Variants in PCLO observed in about 807,000 individuals in gnomAD.
The protein encoded by PCLO is protein piccolo.
A neutral mutation model predicts 427.5 loss-of-function variants in PCLO; 82 were observed. That is an observed-to-expected ratio of 0.19 (90% CI 0.16 to 0.23). PCLO has a LOEUF of 0.23. Among genes scored for constraint, PCLO ranks in the 10% least tolerant of loss-of-function variants. The pLI, the probability that PCLO is intolerant of heterozygous loss-of-function variation, is 1.00. For synonymous variants in PCLO, 2,357 were observed against 2,155.4 expected (o/e 1.09, Z -2.59); for missense variants, 6,239 against 6,115.9 (o/e 1.02, Z -0.67).
At chr7:82,865,974 T>G (rs570519599) in intron 10 of PCLO, among the ~76,000 whole-genome samples, 2 of 152,254 alleles carry the variant, frequency 1.3e-5, no homozygotes, top group African/African-American at 4.8e-5. Flanking sequence ...TAAGTACACG[T>G]TAAAGTCCTT....
chr7:83,157,819 C>T (rs1208254300), intron 1 of PCLO, among the ~76,000 whole-genome samples: 1 of 151,560 alleles, frequency 6.6e-6, no homozygotes, highest in African/African-American at 2.4e-5. Context: ...TTAAAGGAAA[C>T]AAGAATAAAG....
rs759719089 is a variant in PCLO at position 83,155,749 on chromosome 7, G to A, written c.892C>T (p.Leu298=). The A allele has an allele frequency of 1.6e-5, 26 of 1,613,850 alleles. No individual in the cohort carries two copies. In the Admixed American group the frequency reaches 4.0e-4, roughly 25 times the overall value. The change falls in exon 2 of 25, where the codon CTG becomes TTG. Residue 298 remains leucine, a synonymous_variant. Transcript: ENST00000333891. ...IVRGESVKPS[L]PSPSKPPIQQ... Reference sequence around the variant, plus strand: ...ATAGGTGGTTTGGATGGGCTTGGCAGTGAGGGTTTAACTGATTCTCCCCTT... The same window carrying A: ...ATAGGTGGTTTGGATGGGCTTGGCAATGAGGGTTTAACTGATTCTCCCCTT...
chr7:82,898,314 T>A (rs1427677552), intron 9 of PCLO, among the ~76,000 whole-genome samples: 1 of 151,452 alleles, frequency 6.6e-6, no homozygotes. Flanking sequence ...ATCATGAGGG[T>A]CCCATTGACA....
chr7:82,915,715 C>T lies in PCLO; in HGVS notation c.12271G>A (p.Val4091Met), dbSNP rs766076530. 2.4e-5 allele frequency: 38 copies of T among 1,612,516 alleles called. No homozygotes were observed. Among genetic ancestry groups the T allele is most frequent in the Non-Finnish European group, 3.1e-5 (37 of 1,179,194 alleles). Reference protein sequence around the residue: ...RTTETRRSQEVTDFLAPLQSS... With the variant: ...RTTETRRSQEMTDFLAPLQSS... ...TGTAAAGGTGCTAGGAAATCTGTCA[C>T]TTCTTGAGACCGGCGTGTCTCAGTG... The change falls in exon 7 of 25, where the codon GTG becomes ATG. Residue 4091 changes from valine (V) to methionine (M), a missense_variant. Coordinates refer to ENST00000333891, the MANE Select transcript of PCLO (RefSeq NM_033026.6).
intron 24 of PCLO, among the ~76,000 whole-genome samples, chr7:82,759,075 A>C (rs1163554785): frequency 2.6e-5 from 4 of 151,952 alleles, no homozygotes; most frequent in Admixed American, 2.6e-4. Context: ...ACTAGTTTAC[A>C]CAAATCCAAA....
chr7:83,155,109 G>A lies in PCLO; in HGVS notation c.1532C>T (p.Pro511Leu), dbSNP rs1237969139. 6.5e-7 allele frequency: 1 copy of A among 1,545,822 alleles called. No homozygotes were observed. The highest frequency in any genetic ancestry group is 1.2e-5 in the South Asian group (1 of 85,810). Residue 511 changes from proline (P) to leucine (L), a missense_variant, in exon 2 of 25, where the codon CCT becomes CTT. Physicochemically the swap from Pro to Leu is moderately conservative, Grantham distance 98. This residue lies in a region of PCLO where 4,677 missense variants were observed against 4,468.4 expected (regional missense o/e 1.05). Coordinates refer to ENST00000333891, the MANE Select transcript of PCLO (RefSeq NM_033026.6). Reference sequence around the variant, plus strand: ...GGGCTTTGCTGGGCCAGGCTGTTGAGGTGGGGGTTTTGTTGAGCCAGGCTG... The same window carrying A: ...GGGCTTTGCTGGGCCAGGCTGTTGAAGTGGGGGTTTTGTTGAGCCAGGCTG... ...SQQPGSTKPP[P>L]QQPGPAKPSP... is the part of the protein sequence containing the mutation.
At chr7:82,939,147 T>C (rs1016763940) in intron 6 of PCLO, among the ~76,000 whole-genome samples, 1 of 152,072 alleles carries the variant, frequency 6.6e-6, no homozygotes, top group African/African-American at 2.4e-5. Context: ...AATATCTACT[T>C]ATTGGCACTG....
At chr7:82,898,421 A>C (rs1486885226) in intron 9 of PCLO, among the ~76,000 whole-genome samples, 3 of 151,356 alleles carry the variant, frequency 2.0e-5, no homozygotes, top group East Asian at 1.9e-4. Flanking sequence ...TTCCTAAATA[A>C]ATTTTTTCTT....
At chr7:82,829,755 T>C (rs1429733106) in intron 16 of PCLO, among the ~76,000 whole-genome samples, 5 of 152,138 alleles carry the variant, frequency 3.3e-5, no homozygotes, top group African/African-American at 4.8e-5. Context: ...ACTTCTGCCA[T>C]AGAGAAATTC....
At chr7:82,881,995 T>A (rs1395676268) in intron 9 of PCLO, among the ~76,000 whole-genome samples, 2 of 152,054 alleles carry the variant, frequency 1.3e-5, no homozygotes, top group African/African-American at 4.8e-5. Flanking sequence ...TCAAGAAATT[T>A]TTGAAGAATA....
intron 9 of PCLO, among the ~76,000 whole-genome samples, chr7:82,901,836 C>T (rs1369765051): frequency 1.3e-5 from 2 of 152,104 alleles, no homozygotes; most frequent in African/African-American, 4.8e-5. Flanking sequence ...CGCTCATCAT[C>T]ACTGGCCATC....
chr7:83,007,026 G>A (rs12112594), intron 3 of PCLO, among the ~76,000 whole-genome samples: 86,291 of 151,198 alleles, frequency 0.57, 25,293 homozygotes, highest in East Asian at 0.86. Context: ...GAATATAAAC[G>A]TCACAAGGAC....
intron 10 of PCLO, among the ~76,000 whole-genome samples, chr7:82,858,849 G>A (rs879818016): frequency 2.0e-5 from 3 of 152,068 alleles, no homozygotes; most frequent in Non-Finnish European, 4.4e-5. Context: ...ATGCGCCTAT[G>A]GATCAGAAGA....
chr7:82,834,629 T>C (rs1242572328), intron 16 of PCLO, among the ~76,000 whole-genome samples: 1 of 152,182 alleles, frequency 6.6e-6, no homozygotes, highest in Non-Finnish European at 1.5e-5. Context: ...CTACAGATCA[T>C]ACATGATTTG....
At chr7:82,931,442 T>C (rs1449605921) in intron 6 of PCLO, among the ~76,000 whole-genome samples, 1 of 152,168 alleles carries the variant, frequency 6.6e-6, no homozygotes, top group Non-Finnish European at 1.5e-5. Flanking sequence ...GTCAGCAATC[T>C]GGGCATGGTT....
At chr7:82,880,147 T>A (rs1396207947) in intron 9 of PCLO, among the ~76,000 whole-genome samples, 1 of 152,172 alleles carries the variant, frequency 6.6e-6, no homozygotes, top group Non-Finnish European at 1.5e-5. Flanking sequence ...TTTATATTTT[T>A]AGTTTCTGTG....
intron 3 of PCLO, among the ~76,000 whole-genome samples, chr7:83,089,800 G>A (rs1790333438): frequency 6.6e-6 from 1 of 152,116 alleles, no homozygotes; most frequent in African/African-American, 2.4e-5. Flanking sequence ...ACTACATCAT[G>A]TCTTGTCATC....
intron 10 of PCLO, among the ~76,000 whole-genome samples, chr7:82,878,224 G>T (rs1277744575): frequency 2.0e-5 from 3 of 152,104 alleles, no homozygotes; most frequent in African/African-American, 7.2e-5. Context: ...GCATAACATT[G>T]TGATGAATAA....
chr7:82,953,661 G>A lies in PCLO; in HGVS notation c.7292C>T (p.Thr2431Ile), dbSNP rs1023664067. 1.7e-5 allele frequency: 26 copies of A among 1,523,864 alleles called. No individual in the cohort carries two copies. The highest frequency in any genetic ancestry group is 2.3e-5 in the Non-Finnish European group (26 of 1,126,352). 94.4% of individuals were successfully genotyped at this position (1,523,864 alleles called of 1,614,324 possible). Reference protein sequence around the residue: ...PPPPPPLPPPTSPKPTILPKK... With the variant: ...PPPPPPLPPPISPKPTILPKK... The stretch of plus-strand genomic sequence containing the variant: ...AGGAAGAATAGTTGGTTTAGGTGAA[G>A]TTGGTGGAGGAAGTGGTGGGGGAGG... Residue 2431 changes from threonine to isoleucine, a missense_variant, in exon 5 of 25, where the codon ACT (threonine) becomes ATT (isoleucine). Transcript: ENST00000333891.
Sources: allele counts gnomAD v4.1 joint callset (sites outside exome capture counted in the v4.1 genomes callset), GRCh38; gene constraint gnomAD v4.1.1; regional missense constraint gnomAD v4.1.1; transcripts MANE v1.5; gene names NCBI Gene and HGNC (gene_info 2026-07-23, HGNC 2026-07-21).